INTS13: variants seen among roughly 807,000 people sequenced by gnomAD.
The protein encoded by INTS13 is asunder, spermatogenesis regulator homolog (Drosphila).
Under a neutral mutation model 90.2 loss-of-function variants are expected in INTS13, and 35 were observed. The ratio of observed to expected loss-of-function variants is 0.39; its 90% CI spans 0.30 to 0.51. The LOEUF (loss-of-function observed/expected upper bound fraction) is 0.51, where lower values mean the gene tolerates loss of function less well. Among genes scored for constraint, INTS13 ranks in the 20% least tolerant of loss-of-function variants. INTS13 has a pLI of 0.80. For missense variants in INTS13, 601 were observed against 851.2 expected (o/e 0.71, Z 3.66); for synonymous variants, 309 against 277.1 (o/e 1.11, Z -1.14).
chr12:26,932,229 C>A (rs1938235127), intron 3 of INTS13, among the ~76,000 whole-genome samples: 2 of 151,994 alleles, frequency 1.3e-5, no homozygotes, highest in Admixed American at 1.3e-4. Flanking sequence ...TGGTGATGAA[C>A]TTAATAGGAC....
intron 13 of INTS13, 115 bp downstream of exon 13, chr12:26,913,859 A>T: frequency 8.6e-7 from 1 of 1,168,808 alleles, no homozygotes; most frequent in Non-Finnish European, 1.2e-6. Flanking sequence ...TTTCATCTCA[A>T]ATATATATAT....
At position 26,917,568 on chromosome 12, in the gene INTS13, C is replaced by T. The variant is rs921719865; in HGVS notation, c.979+76G>A. 46 of 1,392,194 alleles carry T rather than the reference C, an allele frequency of 3.3e-5. 1 individual carries two copies. The African/African-American group carries it at 6.4e-4, about 19-fold the overall frequency. 86.2% of individuals were successfully genotyped at this position (1,392,194 alleles called of 1,614,324 possible). ...AACAATGAAAAACGAAAATGCAAAA[C>T]AGAATAAATTGACCCCCATATAATA... is the stretch of plus-strand genomic sequence containing the variant. On this transcript the variant is annotated intron_variant, in intron 9 of 16. Transcript: ENST00000261191.
At chr12:26,922,772 A>T (rs7137176) in intron 7 of INTS13, 72 bp from the exon 8 acceptor site, 462,931 of 931,834 alleles carry the variant, frequency 0.5, 118,759 homozygotes, top group East Asian at 0.78. Flanking sequence ...TTAATTATTC[A>T]TTTGCTTTTT....
chr12:26,917,537 T>G, intron 9 of INTS13, 96 bp from the exon 10 acceptor site: 1 of 1,240,844 alleles, frequency 8.1e-7, no homozygotes, highest in East Asian at 2.4e-5. Context: ...GTTCATTGAG[T>G]CCTGAAACAA....
At chr12:26,936,367 G>T (rs1488403954) in intron 2 of INTS13, among the ~76,000 whole-genome samples, 1 of 152,122 alleles carries the variant, frequency 6.6e-6, no homozygotes, top group Admixed American at 6.5e-5. Flanking sequence ...AAATATGTCT[G>T]GCACATGTAA....
At chr12:26,920,160 G>GT (rs1424239280) in intron 8 of INTS13, among the ~76,000 whole-genome samples, 1 of 151,570 alleles carries the variant, frequency 6.6e-6, no homozygotes, top group Non-Finnish European at 1.5e-5. Flanking sequence ...CTTAGGGAAG[G>GT]TATCTGGGCT....
chr12:26,914,268 T>C, intron 12 of INTS13, 140 bp from the exon 13 acceptor site: 1 of 1,181,648 alleles, frequency 8.5e-7, no homozygotes, highest in African/African-American at 1.6e-5. Flanking sequence ...CAATTTTTAA[T>C]TATTAATTCT....
intron 15 of INTS13, 39 bp from the exon 16 acceptor site, chr12:26,906,476 G>T: frequency 6.4e-7 from 1 of 1,570,466 alleles, no homozygotes; most frequent in Non-Finnish European, 8.6e-7. Flanking sequence ...AAAAAAGATA[G>T]AATAATTTAT....
intron 7 of INTS13, 110 bp from the exon 8 acceptor site, chr12:26,922,810 TAATA>T (rs1937660883): frequency 1.7e-6 from 1 of 577,140 alleles, no homozygotes; most frequent in Non-Finnish European, 2.9e-6. Context: ...ATACATTCAA[TAATA>T]ATTAGCTAAA....
Position 26,909,474 on chromosome 12 carries a change from T to C in INTS13, c.1945+1704A>G, listed in dbSNP as rs949460442. 6.7e-4 allele frequency among the ~76,000 whole-genome samples: 63 copies of C among 94,054 alleles called. 1 individual carries two copies. Among genetic ancestry groups the C allele is most frequent in the Admixed American group, 1.7e-3 (13 of 7,760 alleles). 61.7% of individuals were successfully genotyped at this position (94,054 alleles called of 152,430 possible). ...TTTTTGCCAGTATAGATAATACTCT[T>C]TTTTTTTTTTTTTTTTTTTAGAGAT... On this transcript the variant is annotated intron_variant, in intron 15 of 16. Transcript: ENST00000261191.
chr12:26,915,402 T>C (rs1243771835), intron 11 of INTS13, among the ~76,000 whole-genome samples: 4 of 152,166 alleles, frequency 2.6e-5, no homozygotes, highest in African/African-American at 9.7e-5. Flanking sequence ...ATTTAAATAT[T>C]ATGTTTTTTA....
chr12:26,929,266 T>A (rs1046416717), intron 3 of INTS13, among the ~76,000 whole-genome samples: 6 of 152,096 alleles, frequency 3.9e-5, no homozygotes, highest in African/African-American at 1.4e-4. Flanking sequence ...CTCAAGAAGA[T>A]AAAGGACACC....
At chr12:26,910,337 C>T (rs2137410057) in intron 15 of INTS13, among the ~76,000 whole-genome samples, 1 of 152,232 alleles carries the variant, frequency 6.6e-6, no homozygotes, top group Admixed American at 6.5e-5. Flanking sequence ...ACTTTATATG[C>T]TTATTTTCCA....
At chr12:26,910,735 TAAAC>T (rs1951746677) in intron 15 of INTS13, among the ~76,000 whole-genome samples, 1 of 152,216 alleles carries the variant, frequency 6.6e-6, no homozygotes, top group Non-Finnish European at 1.5e-5. Flanking sequence ...ATACAGGTTG[TAAAC>T]AGAGAATGTC....
intron 3 of INTS13, among the ~76,000 whole-genome samples, chr12:26,931,737 G>A (rs1287090023): frequency 1.3e-5 from 2 of 152,108 alleles, no homozygotes; most frequent in African/African-American, 4.8e-5. Context: ...AGTTGAGCAT[G>A]AGTTGATTTC....
chr12:26,934,775 C>T, intron 2 of INTS13, 145 bp from the exon 3 acceptor site: 1 of 683,118 alleles, frequency 1.5e-6, no homozygotes, highest in Non-Finnish European at 2.6e-6. Context: ...TAGTATATGC[C>T]AGGTGCTATT....
intron 11 of INTS13, among the ~76,000 whole-genome samples, chr12:26,915,707 AG>A (rs1951912832): frequency 6.6e-6 from 1 of 152,236 alleles, no homozygotes; most frequent in South Asian, 2.1e-4. Context: ...TTAAATTACT[AG>A]AAATTAAGTT....
At chr12:26,922,316 AAG>A (rs1328127156) in intron 8 of INTS13, among the ~76,000 whole-genome samples, 2 of 152,230 alleles carry the variant, frequency 1.3e-5, no homozygotes, top group African/African-American at 4.8e-5. Context: ...TATTTTGAGA[AAG>A]AGGGAGAGAG....
chr12:26,922,587 A>T, intron 8 of INTS13, 29 bp downstream of exon 8: 1 of 1,523,016 alleles, frequency 6.6e-7, no homozygotes, highest in Non-Finnish European at 9.0e-7. Flanking sequence ...GTTAGATCAT[A>T]CAAAATAATA....
Sources: gnomAD v4.1 joint callset for allele counts (sites outside exome capture counted in the v4.1 genomes callset) on GRCh38, gnomAD v4.1.1 for gene constraint, MANE v1.5 for transcripts, NCBI Gene and HGNC (gene_info 2026-07-23, HGNC 2026-07-21) for gene names.